FGF12: variants seen among roughly 807,000 people sequenced by gnomAD.
The protein encoded by FGF12 is fibroblast growth factor 12.
A neutral mutation model predicts 23.6 loss-of-function variants in FGF12; 14 were observed. The observed-to-expected ratio is 0.59, with a 90% CI of 0.39 to 0.93. The LOEUF is 0.93. Ranked by LOEUF, FGF12 falls within the 40% of genes least tolerant of loss-of-function variation. FGF12 has a pLI of 0.00. For synonymous variants in FGF12, 62 were observed against 77.3 expected (o/e 0.80, Z 1.04); for missense variants, 175 against 217.8 (o/e 0.80, Z 1.24).
chr3:192,171,910 T>C (rs1489654461), intron 4 of FGF12, among the ~76,000 whole-genome samples: 2 of 139,454 alleles, frequency 1.4e-5, no homozygotes, highest in Admixed American at 7.4e-5. Flanking sequence ...CTCTCCTTTT[T>C]TTTCTTTTTC....
intron 2 of FGF12, among the ~76,000 whole-genome samples, chr3:192,596,523 G>A (rs1312254326): frequency 6.6e-6 from 1 of 152,128 alleles, no homozygotes; most frequent in Admixed American, 6.6e-5. Flanking sequence ...CTACTTTACA[G>A]ATAAATAAGC....
chr3:192,675,734 A>G (rs1420839349), intron 2 of FGF12, among the ~76,000 whole-genome samples: 1 of 152,244 alleles, frequency 6.6e-6, no homozygotes, highest in African/African-American at 2.4e-5. Flanking sequence ...GATAGGAAAC[A>G]TTAAAGAACA....
At chr3:192,605,723 C>T (rs1714312867) in intron 2 of FGF12, among the ~76,000 whole-genome samples, 2 of 152,248 alleles carry the variant, frequency 1.3e-5, no homozygotes, top group African/African-American at 4.8e-5. Context: ...CATGAACACA[C>T]ACACTTCTTA....
At chr3:192,600,853 T>C (rs1244278253) in intron 2 of FGF12, among the ~76,000 whole-genome samples, 1 of 151,972 alleles carries the variant, frequency 6.6e-6, no homozygotes, top group Non-Finnish European at 1.5e-5. Context: ...TTGATGAAAA[T>C]GTAAACTCAT....
chr3:192,156,358 C>T (rs1243845166), intron 5 of FGF12, among the ~76,000 whole-genome samples: 1 of 152,174 alleles, frequency 6.6e-6, no homozygotes, highest in Non-Finnish European at 1.5e-5. Context: ...AACTATGTCT[C>T]ACTCAGGACC....
chr3:192,626,109 A>T (rs1305544213), intron 2 of FGF12, among the ~76,000 whole-genome samples: 4 of 152,238 alleles, frequency 2.6e-5, no homozygotes, highest in African/African-American at 9.6e-5. Context: ...GCCATTTTTA[A>T]CACAAATTAA....
chr3:192,677,441 T>C (rs1717366918), intron 2 of FGF12, among the ~76,000 whole-genome samples: 1 of 152,194 alleles, frequency 6.6e-6, no homozygotes, highest in African/African-American at 2.4e-5. Context: ...GCCCAGAGCG[T>C]TTTATACATA....
At chr3:192,500,979 T>A (rs1231036459) in intron 2 of FGF12, among the ~76,000 whole-genome samples, 1 of 152,186 alleles carries the variant, frequency 6.6e-6, no homozygotes, top group African/African-American at 2.4e-5. Flanking sequence ...GCCGCTGTAG[T>A]AGACTATTTC....
chr3:192,620,467 T>C (rs1157965654), intron 2 of FGF12, among the ~76,000 whole-genome samples: 1 of 152,132 alleles, frequency 6.6e-6, no homozygotes, highest in Non-Finnish European at 1.5e-5. Flanking sequence ...ATTATTTGCT[T>C]GGAGTGTGCT....
intron 2 of FGF12, among the ~76,000 whole-genome samples, chr3:192,700,483 A>T (rs1430050284): frequency 6.6e-6 from 1 of 152,182 alleles, no homozygotes; most frequent in Non-Finnish European, 1.5e-5. Flanking sequence ...TGTCACTGAA[A>T]CTGAGGCAAG....
intron 2 of FGF12, among the ~76,000 whole-genome samples, chr3:192,623,152 T>C (rs1055992632): frequency 6.6e-6 from 1 of 152,196 alleles, no homozygotes; most frequent in African/African-American, 2.4e-5. Flanking sequence ...ATGGTCTTTG[T>C]CCTCTGTTTG....
intron 4 of FGF12, among the ~76,000 whole-genome samples, chr3:192,308,420 G>A (rs554702946): frequency 5.3e-5 from 8 of 152,288 alleles, no homozygotes; most frequent in Non-Finnish European, 1.0e-4. Context: ...GCTCACGCCT[G>A]TAATCCCAGC....
chr3:192,580,930 G>A lies in FGF12; in HGVS notation c.13+146251C>T, dbSNP rs907841985. The stretch of plus-strand genomic sequence containing the variant: ...AAGAATTTTAATGACACTAATACAT[G>A]TTGTGAGGATTTAATTTGAAGTAGA... On this transcript the variant is annotated intron_variant, in intron 2 of 5. Transcript: ENST00000445105. Among the ~76,000 whole-genome samples, 9 of 152,276 alleles carry A rather than the reference G, an allele frequency of 5.9e-5. No homozygotes were observed. In the East Asian group the frequency reaches 1.7e-3, roughly 29 times the overall value.
rs553993280 is a variant in FGF12, at chr3:192,434,055, C to T, written c.14-73517G>A. Among the ~76,000 whole-genome samples, 5 of 152,286 alleles carry T rather than the reference C, an allele frequency of 3.3e-5. No homozygotes were observed. The South Asian group carries it at 1.0e-3, about 32-fold the overall frequency. On this transcript the variant is annotated intron_variant, in intron 2 of 5. Transcript: ENST00000445105. ...AGAGCCAAAACTGGCAATGACGAATCCACCACCCTTAAACAGAGAAAAACT... is the reference window on the plus strand; with the variant it reads ...AGAGCCAAAACTGGCAATGACGAATTCACCACCCTTAAACAGAGAAAAACT...
At chr3:192,724,111 A>AGAAG (rs150544084) in intron 2 of FGF12, among the ~76,000 whole-genome samples, 2 of 148,520 alleles carry the variant, frequency 1.3e-5, no homozygotes, top group African/African-American at 2.5e-5. Flanking sequence ...AAGGAAGGAA[A>AGAAG]GAAGGAAGGA....
chr3:192,627,168 T>C (rs1203375267), intron 2 of FGF12, among the ~76,000 whole-genome samples: 1 of 152,114 alleles, frequency 6.6e-6, no homozygotes, highest in African/African-American at 2.4e-5. Context: ...TCACCCAATA[T>C]CACATAGCTA....
rs569742947 is a variant in FGF12, at chr3:192,653,775, C to T, written c.13+73406G>A. On this transcript the variant is annotated intron_variant, in intron 2 of 5. Transcript: ENST00000445105. ...TATCGCCCAGGCTGGAGTGCAGTGG[C>T]GCTATCTCAGCTCACTGCAACCTCC... 4.1e-5 allele frequency among the ~76,000 whole-genome samples: 6 copies of T among 145,672 alleles called. No individual in the cohort carries two copies. In the East Asian group the frequency reaches 6.1e-4, roughly 15 times the overall value.
chr3:192,210,304 G>T (rs1338392651), intron 4 of FGF12, among the ~76,000 whole-genome samples: 3 of 152,198 alleles, frequency 2.0e-5, no homozygotes, highest in Non-Finnish European at 2.9e-5. Flanking sequence ...CAGATTAAAA[G>T]AAGTCAGTAA....
chr3:192,298,548 T>G (rs1461142333), intron 4 of FGF12, among the ~76,000 whole-genome samples: 2 of 151,274 alleles, frequency 1.3e-5, no homozygotes, highest in Non-Finnish European at 2.9e-5. Context: ...AGGTCAGGAG[T>G]TCAAGACCAG....
Sources: gnomAD v4.1 joint callset for allele counts (sites outside exome capture counted in the v4.1 genomes callset) on GRCh38, gnomAD v4.1.1 for gene constraint, MANE v1.5 for transcripts, NCBI Gene and HGNC (gene_info 2026-07-23, HGNC 2026-07-21) for gene names.